The following EBF2 variants were observed in gnomAD, a reference collection of about 807,000 sequenced individuals.
EBF2 encodes transcription factor COE2.
A neutral mutation model predicts 72.8 loss-of-function variants in EBF2; 21 were observed. That is an observed-to-expected ratio of 0.29 (90% CI 0.20 to 0.42). EBF2 has a LOEUF of 0.42. Ranked by LOEUF, EBF2 falls within the 10% of genes least tolerant of loss-of-function variation. EBF2 has a pLI of 1.00. For synonymous variants in EBF2, 299 were observed against 274.2 expected, an observed-to-expected ratio of 1.09 and a Z score of -0.89; for missense variants, 637 against 731.2, an observed-to-expected ratio of 0.87 and a Z score of 1.49.
chr8:25,891,290 C>T lies in EBF2; in HGVS notation c.634-1421G>A, dbSNP rs377190403. Reference sequence around the variant, plus strand: ...AAGGGAGTGGACCTGGGTGGAGCTCCCACCGAATCACTTGACCCAGAAGAC... The same window carrying T: ...AAGGGAGTGGACCTGGGTGGAGCTCTCACCGAATCACTTGACCCAGAAGAC... On this transcript the variant is annotated intron_variant, in intron 7 of 15. Transcript: ENST00000520164. Among the ~76,000 whole-genome samples, 346 of 152,158 alleles carry T rather than the reference C, an allele frequency of 2.3e-3. 2 individuals carry two copies. Among genetic ancestry groups the T allele is most frequent in the African/African-American group, 7.8e-3 (323 of 41,504 alleles).
rs772545131 is a variant in EBF2, at chr8:25,861,326, T to C, written c.1147A>G (p.Thr383Ala). The change falls in exon 12 of 16, where the codon ACA (threonine) becomes GCA (alanine). Residue 383 changes from threonine to alanine, a missense_variant. Transcript: ENST00000520164. ...TATCTCACCTGGTTATTGTGTGGTGTGCCATAAAGAGCTTCCACTAGATCT... is the reference window on the plus strand; with the variant it reads ...TATCTCACCTGGTTATTGTGTGGTGCGCCATAAAGAGCTTCCACTAGATCT... ...AADLVEALYG[T>A]PHNNQDIILK... 95 of 1,614,102 alleles carry C rather than the reference T, an allele frequency of 5.9e-5. No homozygotes were observed. The highest frequency in any genetic ancestry group is 3.3e-4 in the Middle Eastern group (2 of 6,084).
At chr8:26,041,115 T>C in intron 2 of EBF2, 113 bp from the exon 3 acceptor site, 1 of 1,236,636 alleles carries the variant, frequency 8.1e-7, no homozygotes, top group Non-Finnish European at 1.2e-6. Flanking sequence ...AAGGCAGCTT[T>C]GAGTAACCCC....
At chr8:26,033,721 C>T (rs1355100959) in intron 5 of EBF2, among the ~76,000 whole-genome samples, 2 of 150,670 alleles carry the variant, frequency 1.3e-5, no homozygotes, top group African/African-American at 2.5e-5. Context: ...CAAACCTATA[C>T]GTCCTGCACA....
chr8:25,941,652 C>T (rs1803673182), intron 6 of EBF2, among the ~76,000 whole-genome samples: 1 of 152,106 alleles, frequency 6.6e-6, no homozygotes, highest in Non-Finnish European at 1.5e-5. Flanking sequence ...AGTCTGTGCC[C>T]TAAGCTACGG....
chr8:25,918,254 A>G lies in EBF2; in HGVS notation c.552-9699T>C, dbSNP rs1048529285. ...CCAATGACCTTGAGATTGTGCATCT[A>G]TGTAATGTTATATTCTTATGACAGA... On this transcript the variant is annotated intron_variant, in intron 6 of 15. Coordinates refer to ENST00000520164, the MANE Select transcript of EBF2 (RefSeq NM_022659.4). Among the ~76,000 whole-genome samples, 4 of 152,192 alleles carry G rather than the reference A, an allele frequency of 2.6e-5. No homozygotes were observed. The South Asian group carries it at 8.3e-4, about 32-fold the overall frequency.
intron 6 of EBF2, among the ~76,000 whole-genome samples, chr8:25,982,248 C>T (rs868517712): frequency 1.3e-5 from 2 of 152,204 alleles, no homozygotes; most frequent in East Asian, 1.9e-4. Flanking sequence ...GTGAGCTATT[C>T]CTTCAGACAT....
intron 10 of EBF2, among the ~76,000 whole-genome samples, chr8:25,875,713 C>T (rs1456292758): frequency 6.6e-6 from 1 of 152,186 alleles, no homozygotes; most frequent in Non-Finnish European, 1.5e-5. Context: ...TCATAAGAAC[C>T]TTCCCAAGGG....
At chr8:25,974,759 A>T (rs561896973) in intron 6 of EBF2, among the ~76,000 whole-genome samples, 80 of 151,284 alleles carry the variant, frequency 5.3e-4, no homozygotes, top group African/African-American at 1.8e-3. Context: ...CCCCCATCCT[A>T]CTGTAGCCAA....
intron 15 of EBF2, among the ~76,000 whole-genome samples, chr8:25,849,679 T>C (rs1256565300): frequency 6.6e-6 from 1 of 152,000 alleles, no homozygotes; most frequent in Non-Finnish European, 1.5e-5. Context: ...CACAATGAGA[T>C]GATTTTTCAT....
chr8:26,015,058 T>A (rs551117298), intron 6 of EBF2, among the ~76,000 whole-genome samples: 2 of 152,286 alleles, frequency 1.3e-5, no homozygotes, highest in South Asian at 4.1e-4. Context: ...TAGAATTAAA[T>A]GAGCATTCTG....
At chr8:25,884,180 C>A (rs556397340) in intron 10 of EBF2, among the ~76,000 whole-genome samples, 3 of 152,296 alleles carry the variant, frequency 2.0e-5, no homozygotes, top group African/African-American at 7.2e-5. Flanking sequence ...GCCATACTGG[C>A]ATTCTTGCTC....
At chr8:26,012,697 T>C (rs1201992230) in intron 6 of EBF2, among the ~76,000 whole-genome samples, 1 of 152,192 alleles carries the variant, frequency 6.6e-6, no homozygotes, top group Admixed American at 6.5e-5. Context: ...ATTTTCCATA[T>C]TTGCGGTGTT....
rs1359681746 is a variant in EBF2, at chr8:26,040,791, C to G, written c.353-120G>C. On this transcript the variant is annotated intron_variant, in intron 3 of 15. Transcript: ENST00000520164. Reference sequence around the variant, plus strand: ...TCTCCATGCTGAGCCGCCCTGGAGACGGTGACCTCCCAATCCCCTGTCCCA... The same window carrying G: ...TCTCCATGCTGAGCCGCCCTGGAGAGGGTGACCTCCCAATCCCCTGTCCCA... 5.5e-6 allele frequency: 8 copies of G among 1,467,702 alleles called. No individual in the cohort carries two copies. In the Admixed American group the frequency reaches 8.2e-5, roughly 15 times the overall value. The allele number at this position is 1,467,702 out of a possible 1,614,324, so 90.9% of individuals were successfully genotyped here.
At chr8:25,886,020 C>T (rs1802685032) in intron 10 of EBF2, among the ~76,000 whole-genome samples, 1 of 152,106 alleles carries the variant, frequency 6.6e-6, no homozygotes, top group African/African-American at 2.4e-5. Flanking sequence ...AGAACATTCT[C>T]CCTTTCTCTC....
chr8:25,884,460 TCC>T (rs1269397164), intron 10 of EBF2, among the ~76,000 whole-genome samples: 1 of 152,114 alleles, frequency 6.6e-6, no homozygotes, highest in East Asian at 1.9e-4. Flanking sequence ...TCGCTCCATG[TCC>T]CCTCTTCAGA....
chr8:26,037,807 G>C (rs1397344022), intron 5 of EBF2, among the ~76,000 whole-genome samples: 1 of 152,126 alleles, frequency 6.6e-6, no homozygotes, highest in Non-Finnish European at 1.5e-5. Context: ...GAGACCATTG[G>C]GGAAGGGAGA....
intron 6 of EBF2, among the ~76,000 whole-genome samples, chr8:26,016,991 C>A (rs1010925628): frequency 6.6e-6 from 1 of 151,984 alleles, no homozygotes; most frequent in African/African-American, 2.4e-5. Context: ...AATGAGAGAA[C>A]CAGATGTCTA....
At chr8:25,852,051 C>T (rs1801989311) in intron 14 of EBF2, among the ~76,000 whole-genome samples, 1 of 152,152 alleles carries the variant, frequency 6.6e-6, no homozygotes, top group African/African-American at 2.4e-5. Context: ...AACATCTTAT[C>T]CTTAAAGTAG....
intron 6 of EBF2, among the ~76,000 whole-genome samples, chr8:25,985,447 A>C (rs1354743191): frequency 6.6e-6 from 1 of 152,204 alleles, no homozygotes; most frequent in Non-Finnish European, 1.5e-5. Flanking sequence ...TCTAATGACG[A>C]TGCCAGGCAC....
Sources: allele counts gnomAD v4.1 joint callset (sites outside exome capture counted in the v4.1 genomes callset), GRCh38; gene constraint gnomAD v4.1.1; transcripts MANE v1.5; gene names NCBI Gene and HGNC (gene_info 2026-07-23, HGNC 2026-07-21).